CLECL1: variants seen among roughly 807,000 people sequenced by gnomAD.
CLECL1 encodes the protein C-type lectin like 1.
the CLECL1 span, among the ~76,000 whole-genome samples, chr12:9,704,879 C>T: frequency 7.8e-4 from 119 of 152,086 alleles, 1 homozygote; most frequent in Middle Eastern, 3.4e-3. Context: ...CATATGTGTG[C>T]GTGTGTAGTT....
chr12:9,733,737 T>A (rs1007335550), upstream of CLECL1, among the ~76,000 whole-genome samples: 1 of 152,168 alleles, frequency 6.6e-6, no homozygotes, highest in Non-Finnish European at 1.5e-5. Context: ...AATTTTAAAA[T>A]GAGGTGTTCA....
chr12:9,727,891 G>T (rs984215219), intron 2 of CLECL1, among the ~76,000 whole-genome samples: 1 of 151,662 alleles, frequency 6.6e-6, no homozygotes, highest in Non-Finnish European at 1.5e-5. Flanking sequence ...AAAAGAATTG[G>T]AAAAAATATG....
the CLECL1 span, among the ~76,000 whole-genome samples, chr12:9,702,374 T>C: frequency 6.6e-6 from 1 of 152,326 alleles, no homozygotes; most frequent in East Asian, 1.9e-4. Flanking sequence ...CTGCTTCTTC[T>C]TTTCTTTCTT....
chr12:9,707,646 T>G, the CLECL1 span, among the ~76,000 whole-genome samples: 984 of 152,298 alleles, frequency 6.5e-3, 13 homozygotes, highest in African/African-American at 0.022. Flanking sequence ...TCACATGCCC[T>G]GCAAGGGGGC....
At chr12:9,708,348 G>A in the CLECL1 span, among the ~76,000 whole-genome samples, 4,058 of 152,240 alleles carry the variant, frequency 0.027, 95 homozygotes, top group Admixed American at 0.047. Flanking sequence ...TGATAGGGAA[G>A]TTAACGGTGA....
At chr12:9,716,577 C>G (rs1866241563) in exon 3 of CLECL1, 1 of 230,220 alleles carries the variant, frequency 4.3e-6, no homozygotes, top group Non-Finnish European at 8.8e-6. Context: ...TCAGCCATCT[C>G]CTGGCGGCTG....
chr12:9,712,752 C>T (rs189546734), downstream of CLECL1, among the ~76,000 whole-genome samples: 1 of 152,152 alleles, frequency 6.6e-6, no homozygotes, highest in Admixed American at 6.5e-5. Context: ...GAGTTTTAAT[C>T]ATAAATGTTT....
intron 3 of CLECL1, 144 bp from the exon 2 acceptor site, chr12:9,722,957 G>T: frequency 1.9e-6 from 1 of 534,052 alleles, no homozygotes; most frequent in Non-Finnish European, 3.1e-6. Flanking sequence ...GGGTACATTT[G>T]AAAAAAAATT....
At chr12:9,723,821 G>A (rs775412357) in intron 3 of CLECL1, among the ~76,000 whole-genome samples, 5 of 152,172 alleles carry the variant, frequency 3.3e-5, no homozygotes, top group African/African-American at 7.2e-5. Flanking sequence ...CAAGACAACC[G>A]AACTGAGACT....
chr12:9,733,345 C>G (rs750439588), upstream of CLECL1: 9 of 964,920 alleles, frequency 9.3e-6, no homozygotes, highest in African/African-American at 1.6e-5. Context: ...CAGAAGATAT[C>G]TCACCATTTT....
downstream of CLECL1, among the ~76,000 whole-genome samples, chr12:9,721,164 CTTATT>C (rs1429893271): frequency 6.6e-6 from 1 of 152,052 alleles, no homozygotes; most frequent in South Asian, 2.1e-4. Context: ...CTTCATACTT[CTTATT>C]TTATTTGCCA....
downstream of CLECL1, among the ~76,000 whole-genome samples, chr12:9,717,871 T>C (rs981949365): frequency 1.3e-5 from 2 of 152,138 alleles, no homozygotes; most frequent in African/African-American, 2.4e-5. Flanking sequence ...TTTTTCTGTT[T>C]TTTTTTCTTT....
At chr12:9,721,280 A>C (rs1467226159), downstream of CLECL1, among the ~76,000 whole-genome samples, 1 of 151,858 alleles carries the variant, frequency 6.6e-6, no homozygotes, top group Non-Finnish European at 1.5e-5. Flanking sequence ...CTAGAAAATG[A>C]TTTTATATTT....
At chr12:9,702,763 G>A in the CLECL1 span, among the ~76,000 whole-genome samples, 2 of 152,170 alleles carry the variant, frequency 1.3e-5, no homozygotes, top group Admixed American at 6.5e-5. Flanking sequence ...GAAAACTAAT[G>A]ATGACATTAG....
At chr12:9,729,443 C>T (rs749922441) in intron 2 of CLECL1, among the ~76,000 whole-genome samples, 1 of 152,040 alleles carries the variant, frequency 6.6e-6, no homozygotes, top group Non-Finnish European at 1.5e-5. Context: ...TATAGAAAAT[C>T]TCTAATTTTA....
chr12:9,728,973 G>C (rs927039073), intron 2 of CLECL1, among the ~76,000 whole-genome samples: 1 of 151,820 alleles, frequency 6.6e-6, no homozygotes, highest in African/African-American at 2.4e-5. Context: ...AGTTTAATCT[G>C]GAAGCCTGAA....
chr12:9,721,545 G>T (rs1866312827), downstream of CLECL1, among the ~76,000 whole-genome samples: 1 of 152,144 alleles, frequency 6.6e-6, no homozygotes, highest in Admixed American at 6.5e-5. Flanking sequence ...TCCTAAATCT[G>T]GTTTACTGTT....
the CLECL1 span, among the ~76,000 whole-genome samples, chr12:9,702,975 G>T: frequency 6.6e-6 from 1 of 152,290 alleles, no homozygotes; most frequent in Non-Finnish European, 1.5e-5. Flanking sequence ...AGGAAGAGAA[G>T]ACTTGTTCTA....
downstream of CLECL1, among the ~76,000 whole-genome samples, chr12:9,720,187 C>A (rs902916541): frequency 5.3e-5 from 8 of 152,088 alleles, no homozygotes; most frequent in African/African-American, 1.7e-4. Context: ...TGTGTCTTGG[C>A]ACTTTCTCCC....
Sources: gnomAD v4.1 joint callset for allele counts (sites outside exome capture counted in the v4.1 genomes callset) on GRCh38, gnomAD v4.1.1 for gene constraint, MANE v1.5 for transcripts, NCBI Gene and HGNC (gene_info 2026-07-23, HGNC 2026-07-21) for gene names.